GLRA2: variants seen among roughly 807,000 people sequenced by gnomAD.
GLRA2 encodes the protein glycine receptor subunit alpha-2.
Under a neutral mutation model 31.6 loss-of-function variants are expected in GLRA2, and 11 were observed. The ratio of observed to expected loss-of-function variants is 0.35; its 90% CI spans 0.22 to 0.58. The LOEUF is 0.58. Among genes scored for constraint, GLRA2 ranks in the 20% least tolerant of loss-of-function variants. The probability of loss-of-function intolerance (pLI) is 0.84; values close to 1 mark genes in which losing one functional copy is unlikely to be tolerated. For missense variants in GLRA2, 212 were observed against 351.8 expected (o/e 0.60, Z 3.18); for synonymous variants, 132 against 134.0 (o/e 0.99, Z 0.10).
At chrX:14,478,759 C>A in the GLRA2 span, among the ~76,000 whole-genome samples, 1 of 112,213 alleles carries the variant, frequency 8.9e-6, no homozygotes, top group Non-Finnish European at 1.9e-5. Flanking sequence ...TCATTATTTT[C>A]TTCCTGTTAT....
At chrX:14,685,275 C>T (rs1253296676) in intron 7 of GLRA2, among the ~76,000 whole-genome samples, 1 of 111,267 alleles carries the variant, frequency 9.0e-6, no homozygotes, top group African/African-American at 3.3e-5. Flanking sequence ...GTCTAAAATT[C>T]TCTTTTTTTG....
chrX:14,493,783 A>G, the GLRA2 span, among the ~76,000 whole-genome samples: 4 of 91,674 alleles, frequency 4.4e-5, no homozygotes, highest in Admixed American at 4.5e-4. Context: ...ATATATATAG[A>G]CACACACACA....
chrX:14,614,207 G>A (rs752444909), intron 7 of GLRA2, among the ~76,000 whole-genome samples: 4 of 111,117 alleles, frequency 3.6e-5, no homozygotes, highest in African/African-American at 1.3e-4. Context: ...TGAGAGTAAT[G>A]GGAAAGATGG....
At chrX:14,687,443 A>G (rs2091291789) in intron 7 of GLRA2, among the ~76,000 whole-genome samples, 2 of 111,892 alleles carry the variant, frequency 1.8e-5, no homozygotes, top group Admixed American at 9.5e-5. Flanking sequence ...AGGTACACCA[A>G]TCAGATGCAG....
chrX:14,634,651 G>C (rs796998924), intron 7 of GLRA2, among the ~76,000 whole-genome samples: 1 of 111,565 alleles, frequency 9.0e-6, no homozygotes, highest in South Asian at 3.7e-4. Flanking sequence ...CAAAAATATT[G>C]CATGGTTAGT....
At chrX:14,460,759 T>C in the GLRA2 span, among the ~76,000 whole-genome samples, 3 of 111,881 alleles carry the variant, frequency 2.7e-5, no homozygotes, top group South Asian at 1.1e-3. Context: ...TCCTCTTTAT[T>C]AGTCTTGCTA....
chrX:14,681,931 G>A (rs867666484), intron 7 of GLRA2, among the ~76,000 whole-genome samples: 146 of 56,036 alleles, frequency 2.6e-3, no homozygotes, highest in Middle Eastern at 0.01. Context: ...ATATATATAT[G>A]TATATATATG....
chrX:14,549,644 T>G (rs892314880), intron 2 of GLRA2, among the ~76,000 whole-genome samples: 2 of 111,623 alleles, frequency 1.8e-5, no homozygotes, highest in African/African-American at 6.5e-5. Context: ...AGGTTCCATT[T>G]TGAGCAACTG....
the GLRA2 span, among the ~76,000 whole-genome samples, chrX:14,458,459 G>T: frequency 1.8e-5 from 2 of 111,881 alleles, no homozygotes; most frequent in Non-Finnish European, 3.8e-5. Flanking sequence ...TGACTTCCAC[G>T]ATGGTTGAAC....
intron 2 of GLRA2, among the ~76,000 whole-genome samples, chrX:14,569,752 T>C: frequency 8.9e-6 from 1 of 112,534 alleles, no homozygotes; most frequent in Non-Finnish European, 1.9e-5. Context: ...TTCCACTTCT[T>C]AGTATATATC....
intron 2 of GLRA2, among the ~76,000 whole-genome samples, chrX:14,568,788 A>G (rs2089845109): frequency 9.0e-6 from 1 of 111,255 alleles, no homozygotes; most frequent in Non-Finnish European, 1.9e-5. Context: ...CTCTCATACC[A>G]TATACAAAAA....
At chrX:14,632,032 T>G (rs910791656) in intron 7 of GLRA2, among the ~76,000 whole-genome samples, 2 of 74,959 alleles carry the variant, frequency 2.7e-5, no homozygotes, top group African/African-American at 1.0e-4. Context: ...GACCCTCAGA[T>G]CCATCTTTTC....
At chrX:14,607,846 T>TG (rs772914414) in intron 6 of GLRA2, among the ~76,000 whole-genome samples, 1 of 111,127 alleles carries the variant, frequency 9.0e-6, no homozygotes, top group East Asian at 2.9e-4. Flanking sequence ...CACATGGGGT[T>TG]GGGGGGCAGG....
chrX:14,630,387 T>C (rs918491167), intron 7 of GLRA2, among the ~76,000 whole-genome samples: 4 of 111,790 alleles, frequency 3.6e-5, no homozygotes, highest in Non-Finnish European at 5.6e-5. Flanking sequence ...TTCATTTTTA[T>C]CTGGTTTTGA....
chrX:14,479,119 A>G, the GLRA2 span, among the ~76,000 whole-genome samples: 36 of 111,368 alleles, frequency 3.2e-4, no homozygotes, highest in African/African-American at 1.1e-3. Context: ...GCAGAGAAAA[A>G]AAAAAAGGCA....
intron 7 of GLRA2, among the ~76,000 whole-genome samples, chrX:14,650,755 A>G (rs759996057): frequency 8.9e-6 from 1 of 111,959 alleles, no homozygotes; most frequent in East Asian, 2.8e-4. Flanking sequence ...TTTGCATCCC[A>G]AAAGAGAAAT....
At chrX:14,686,860 G>T (rs1023661453) in intron 7 of GLRA2, among the ~76,000 whole-genome samples, 1 of 111,779 alleles carries the variant, frequency 8.9e-6, no homozygotes, top group Non-Finnish European at 1.9e-5. Context: ...CTGTCATTAT[G>T]ATGTTAGCTG....
At chrX:14,463,613 AG>A in the GLRA2 span, among the ~76,000 whole-genome samples, 1 of 110,918 alleles carries the variant, frequency 9.0e-6, no homozygotes, top group Non-Finnish European at 1.9e-5. Context: ...CCTGTGTCCC[AG>A]GTCGATCTCA....
intron 7 of GLRA2, among the ~76,000 whole-genome samples, chrX:14,615,868 G>C (rs1412229301): frequency 3.6e-5 from 4 of 111,396 alleles, no homozygotes; most frequent in Non-Finnish European, 7.6e-5. Flanking sequence ...TTGTGTTTTT[G>C]TTCTTGATTT....
Sources: allele counts gnomAD v4.1 joint callset (sites outside exome capture counted in the v4.1 genomes callset), GRCh38; gene constraint gnomAD v4.1.1; transcripts MANE v1.5; gene names NCBI Gene and HGNC (gene_info 2026-07-23, HGNC 2026-07-21).